The following MATR3 variants were observed in gnomAD, a reference collection of about 807,000 sequenced individuals.
MATR3 encodes matrin 3.
A neutral mutation model predicts 85.5 loss-of-function variants in MATR3; 4 were observed. The observed-to-expected ratio is 0.05, with a 90% CI of 0.02 to 0.11. The LOEUF (loss-of-function observed/expected upper bound fraction) is 0.11. MATR3 is among the 10% of genes least tolerant of loss of function. The probability of loss-of-function intolerance (pLI) is 1.00; values close to 1 mark genes in which losing one functional copy is unlikely to be tolerated. For missense variants in MATR3, 685 were observed against 1,016.1 expected (o/e 0.67, Z 4.43); for synonymous variants, 336 against 343.1 (o/e 0.98, Z 0.23).
intron 2 of MATR3, chr5:139,313,269 T>C (rs896244800): frequency 6.6e-6 from 1 of 151,924 alleles, no homozygotes; most frequent in Non-Finnish European, 1.5e-5. Flanking sequence ...ACATCAATAA[T>C]AGTTGTAAAG....
intron 1 of MATR3, among the ~76,000 whole-genome samples, chr5:139,296,253 A>C (rs1023099234): frequency 6.6e-6 from 1 of 152,224 alleles, no homozygotes. Context: ...GTGGAAATCT[A>C]TACAGCCACT....
At chr5:139,296,208 T>C (rs2151926898) in intron 1 of MATR3, among the ~76,000 whole-genome samples, 2 of 152,314 alleles carry the variant, frequency 1.3e-5, no homozygotes, top group South Asian at 4.1e-4. Context: ...AATTAAATAT[T>C]CAAGTTTTGG....
chr5:139,322,342 A>C, intron 10 of MATR3, 121 bp from the exon 11 acceptor site: 1 of 968,356 alleles, frequency 1.0e-6, no homozygotes, highest in South Asian at 1.4e-5. Flanking sequence ...TAGGTTCTCA[A>C]ATAAGGTTAC....
At chr5:139,317,485 T>C (rs1337028523) in intron 6 of MATR3, 111 bp from the exon 7 acceptor site, 1 of 1,075,526 alleles carries the variant, frequency 9.3e-7, no homozygotes, top group East Asian at 2.4e-5. Flanking sequence ...ATGAGTTGTT[T>C]TACTTACACT....
chr5:139,290,861 C>G (rs1161757795), upstream of MATR3, among the ~76,000 whole-genome samples: 1 of 152,138 alleles, frequency 6.6e-6, no homozygotes, highest in Non-Finnish European at 1.5e-5. Flanking sequence ...CACTCCTTAC[C>G]TTAAAATTCA....
intron 12 of MATR3, 52 bp from the exon 13 acceptor site, chr5:139,325,388 C>A: frequency 6.3e-7 from 1 of 1,589,162 alleles, no homozygotes; most frequent in South Asian, 1.1e-5. Flanking sequence ...GTAAATCGGG[C>A]ATGGCATTTA....
intron 3 of MATR3, among the ~76,000 whole-genome samples, chr5:139,288,160 G>T (rs1260579054): frequency 2.0e-5 from 3 of 152,174 alleles, no homozygotes; most frequent in African/African-American, 7.2e-5. Context: ...GCTACAGTGA[G>T]CCAAGATGGC....
intron 13 of MATR3, 100 bp downstream of exon 13, chr5:139,325,762 A>G: frequency 1.6e-5 from 16 of 1,029,054 alleles, no homozygotes; most frequent in East Asian, 2.5e-5. Flanking sequence ...ATAAGCTGTG[A>G]TAGCATTTTA....
At chr5:139,299,563 T>C (rs1189841159) in intron 1 of MATR3, among the ~76,000 whole-genome samples, 1 of 152,108 alleles carries the variant, frequency 6.6e-6, no homozygotes, top group Non-Finnish European at 1.5e-5. Context: ...TGGTCCCTGC[T>C]GAGACCAAGG....
In MATR3 at chr5:139,330,966, T is replaced by A. The variant is rs1180337434; in HGVS notation, c.*1571T>A. On this transcript the variant is annotated 3_prime_UTR_variant, in exon 15 of 15. Transcript: ENST00000394805. ...CCACTATACCTGGCTAGTTTTTGGT[T>A]TTTTTGTATAGATGGGGCTTTGCCA... 2.2e-6 allele frequency: 1 copy of A among 453,960 alleles called. No individual in the cohort carries two copies. Among genetic ancestry groups the A allele is most frequent in the African/African-American group, 2.0e-5 (1 of 49,998 alleles). 28.1% of individuals were successfully genotyped at this position (453,960 alleles called of 1,614,324 possible).
chr5:139,283,880 C>G (rs148229216), intron 3 of MATR3, among the ~76,000 whole-genome samples: 1,525 of 152,280 alleles, frequency 0.01, 10 homozygotes, highest in Non-Finnish European at 0.018. Context: ...CTGTTTTTCC[C>G]TTCTCATTCC....
At chr5:139,288,831 A>G (rs182192407), upstream of MATR3, among the ~76,000 whole-genome samples, 677 of 152,152 alleles carry the variant, frequency 4.4e-3, 29 homozygotes, top group Admixed American at 0.041. Flanking sequence ...TTTAGTAGAG[A>G]CAGGGTTTCA....
At position 139,331,008 on chromosome 5, in the gene MATR3, C is replaced by G. The variant is rs1166905390; in HGVS notation, c.*1613C>G. On this transcript the variant is annotated 3_prime_UTR_variant, in exon 15 of 15. Transcript: ENST00000394805. ...GCTTTGCCATGTTGCCCAGGTTGATCTTGAATTCCTGGGCCCAAGTGATCT... is the reference window on the plus strand; with the variant it reads ...GCTTTGCCATGTTGCCCAGGTTGATGTTGAATTCCTGGGCCCAAGTGATCT... 10 of 453,960 alleles carry G rather than the reference C, an allele frequency of 2.2e-5. No individual in the cohort carries two copies. The highest frequency in any genetic ancestry group is 4.0e-5 in the Non-Finnish European group (9 of 226,796). The allele number at this position is 453,960 out of a possible 1,614,324, so 28.1% of individuals were successfully genotyped here.
intron 1 of MATR3, among the ~76,000 whole-genome samples, chr5:139,301,465 G>A (rs1472828336): frequency 1.3e-5 from 2 of 152,022 alleles, no homozygotes; most frequent in Non-Finnish European, 2.9e-5. Flanking sequence ...GACTACAGGC[G>A]TGTGCCACCA....
chr5:139,325,558 A>G lies in MATR3; in HGVS notation c.2267A>G (p.Lys756Arg). ...ESSENADDPN[K>R]DTSENADGQS... is the part of the protein sequence containing the mutation. ...TCTGAGAACGCTGATGATCCCAACAAAGATACAAGTGAAAACGCAGATGGT... is the reference window on the plus strand; with the variant it reads ...TCTGAGAACGCTGATGATCCCAACAGAGATACAAGTGAAAACGCAGATGGT... Residue 756 changes from lysine to arginine, a missense_variant, in exon 13 of 15, where the codon AAA becomes AGA. By Grantham distance (26) the Lys-to-Arg change is conservative. Transcript: ENST00000394805. 1 of 1,614,216 alleles carries G rather than the reference A, an allele frequency of 6.2e-7. No homozygotes were observed. The highest frequency in any genetic ancestry group is 8.5e-7 in the Non-Finnish European group (1 of 1,180,032).
chr5:139,312,130 A>AT (rs1461381633), intron 2 of MATR3: 1 of 151,796 alleles, frequency 6.6e-6, no homozygotes, highest in Non-Finnish European at 1.5e-5. Flanking sequence ...TTTTTATTTT[A>AT]TTTTATTTTG....
At chr5:139,291,637 C>T (rs966412065), upstream of MATR3, among the ~76,000 whole-genome samples, 1 of 151,938 alleles carries the variant, frequency 6.6e-6, no homozygotes, top group African/African-American at 2.4e-5. Context: ...CTCCCGGGTT[C>T]AAGCGATTCT....
At chr5:139,276,758 T>C (rs1038819311) in intron 2 of MATR3, among the ~76,000 whole-genome samples, 2 of 152,206 alleles carry the variant, frequency 1.3e-5, no homozygotes, top group Non-Finnish European at 2.9e-5. Context: ...GGATTTTTGC[T>C]AATTTCACTG....
At chr5:139,318,286 A>G (rs1448495922) in intron 7 of MATR3, among the ~76,000 whole-genome samples, 1 of 152,040 alleles carries the variant, frequency 6.6e-6, no homozygotes, top group Non-Finnish European at 1.5e-5. Context: ...GCCGCCCACT[A>G]TCATGCTCAG....
Sources: gnomAD v4.1 joint callset for allele counts (sites outside exome capture counted in the v4.1 genomes callset) on GRCh38, gnomAD v4.1.1 for gene constraint, MANE v1.5 for transcripts, NCBI Gene and HGNC (gene_info 2026-07-23, HGNC 2026-07-21) for gene names.